DEPDC5: variants seen among roughly 807,000 people sequenced by gnomAD.
DEPDC5 encodes DEP domain containing 5, GATOR1 subcomplex subunit.
DEPDC5 carries 73 observed loss-of-function variants against 217.3 expected under a neutral mutation model. The observed-to-expected ratio is 0.34, with a 90% CI of 0.28 to 0.41. The LOEUF is 0.41. Among genes scored for constraint, DEPDC5 ranks in the 10% least tolerant of loss-of-function variants. DEPDC5 has a pLI of 1.00. For missense variants in DEPDC5, 1,675 were observed against 2,070.1 expected, an observed-to-expected ratio of 0.81 and a Z score of 3.70; for synonymous variants, 733 against 756.7, an observed-to-expected ratio of 0.97 and a Z score of 0.51.
At chr22:31,754,598 G>A (rs765591093) in intron 1 of DEPDC5, among the ~76,000 whole-genome samples, 4 of 152,198 alleles carry the variant, frequency 2.6e-5, no homozygotes, top group Non-Finnish European at 5.9e-5. Flanking sequence ...CCCATTCAGC[G>A]CAATGCTTCC....
chr22:31,802,490 G>C (rs1275601678), intron 14 of DEPDC5, among the ~76,000 whole-genome samples: 2 of 152,020 alleles, frequency 1.3e-5, no homozygotes, highest in Non-Finnish European at 2.9e-5. Context: ...TGTCAATGAG[G>C]GGTATTAACA....
intron 8 of DEPDC5, among the ~76,000 whole-genome samples, chr22:31,782,109 C>T (rs1026684690): frequency 6.6e-6 from 1 of 151,076 alleles, no homozygotes; most frequent in African/African-American, 2.4e-5. Context: ...ACAATATAGC[C>T]TATATTTCTG....
chr22:31,786,468 T>G (rs28868063), intron 10 of DEPDC5, among the ~76,000 whole-genome samples: 2 of 151,124 alleles, frequency 1.3e-5, no homozygotes, highest in Admixed American at 6.6e-5. Flanking sequence ...TCCTTATGTT[T>G]AAAAGTTTTA....
intron 31 of DEPDC5, among the ~76,000 whole-genome samples, chr22:31,849,924 A>G (rs2091939919): frequency 6.6e-6 from 1 of 152,166 alleles, no homozygotes; most frequent in Non-Finnish European, 1.5e-5. Context: ...GGATTACAGG[A>G]ACTACAATTT....
At chr22:31,822,610 C>T in intron 23 of DEPDC5, 83 bp from the exon 24 acceptor site, 2 of 1,359,268 alleles carry the variant, frequency 1.5e-6, no homozygotes, top group South Asian at 2.5e-5. Context: ...ATGAACCTAC[C>T]TCCCACCCCC....
chr22:31,866,933 A>T (rs2149203852), intron 33 of DEPDC5, among the ~76,000 whole-genome samples: 1 of 152,300 alleles, frequency 6.6e-6, no homozygotes, highest in African/African-American at 2.4e-5. Flanking sequence ...GGTTAATGTC[A>T]TATTTGTTAG....
intron 38 of DEPDC5, among the ~76,000 whole-genome samples, chr22:31,883,584 C>T (rs1351070081): frequency 1.3e-5 from 2 of 152,196 alleles, no homozygotes; most frequent in Admixed American, 6.5e-5. Context: ...TTAATCTTTA[C>T]GTCAGTCTCC....
At chr22:31,805,988 A>G in intron 17 of DEPDC5, 134 bp from the exon 18 acceptor site, 1 of 712,484 alleles carries the variant, frequency 1.4e-6, no homozygotes, top group Non-Finnish European at 2.3e-6. Flanking sequence ...AAAGAAGTTA[A>G]AATTGGGAAG....
chr22:31,856,190 CT>C (rs2092292290), intron 31 of DEPDC5, among the ~76,000 whole-genome samples: 1 of 144,716 alleles, frequency 6.9e-6, no homozygotes, highest in African/African-American at 2.7e-5. Flanking sequence ...CACACACACA[CT>C]TCATTGCCTA....
chr22:31,879,766 C>T lies in DEPDC5; in HGVS notation c.4033+14C>T. ...CAGCACTTTTAGGTACATGCTCAAC[C>T]CAGACAAGGTCTGAGGGTGTGCCAG... On this transcript the variant is annotated intron_variant, in intron 38 of 42. Transcript: ENST00000651528. 1 of 1,608,726 alleles carries T rather than the reference C, an allele frequency of 6.2e-7. No individual in the cohort carries two copies. The highest frequency in any genetic ancestry group is 1.1e-5 in the South Asian group (1 of 90,402).
chr22:31,839,048 C>T (rs1001450133), intron 27 of DEPDC5, among the ~76,000 whole-genome samples: 3 of 152,158 alleles, frequency 2.0e-5, no homozygotes, highest in African/African-American at 7.2e-5. Flanking sequence ...TTACAACTCT[C>T]CCTTTAAGGC....
intron 38 of DEPDC5, among the ~76,000 whole-genome samples, chr22:31,886,777 G>A (rs9606880): frequency 2.1e-4 from 22 of 103,652 alleles, no homozygotes; most frequent in African/African-American, 5.0e-4. Flanking sequence ...AAAAAAAAAA[G>A]AGAGAGAGAG....
chr22:31,895,910 A>G (rs993263572), intron 39 of DEPDC5, among the ~76,000 whole-genome samples: 2 of 151,942 alleles, frequency 1.3e-5, no homozygotes, highest in Admixed American at 1.3e-4. Context: ...AGAGGACACC[A>G]GCCCTTCCCC....
At chr22:31,882,779 C>CCTCTT (rs945509321) in intron 38 of DEPDC5, among the ~76,000 whole-genome samples, 1 of 151,336 alleles carries the variant, frequency 6.6e-6, no homozygotes, top group African/African-American at 2.4e-5. Context: ...TCTTCTTTCT[C>CCTCTT]CTCTTCTCTT....
chr22:31,808,491 A>G (rs767855606), intron 18 of DEPDC5, among the ~76,000 whole-genome samples: 16 of 147,272 alleles, frequency 1.1e-4, no homozygotes, highest in Non-Finnish European at 1.5e-4. Flanking sequence ...CTGGAGTGCA[A>G]TGGCACAATC....
intron 4 of DEPDC5, among the ~76,000 whole-genome samples, chr22:31,761,239 C>T (rs189388192): frequency 2.6e-5 from 4 of 152,128 alleles, no homozygotes; most frequent in Non-Finnish European, 4.4e-5. Context: ...CCTTGGCCCC[C>T]CAAAGTGCTG....
At chr22:31,820,837 T>G (rs1453313319) in intron 22 of DEPDC5, among the ~76,000 whole-genome samples, 1 of 152,206 alleles carries the variant, frequency 6.6e-6, no homozygotes, top group African/African-American at 2.4e-5. Flanking sequence ...TTCATCAGGG[T>G]TCCCTGTCTT....
At chr22:31,897,801 C>T (rs934829771) in intron 40 of DEPDC5, 148 bp downstream of exon 40, 70 of 922,934 alleles carry the variant, frequency 7.6e-5, no homozygotes, top group Admixed American at 3.4e-4. Context: ...TCTAAAGGAT[C>T]CTGATTCTTG....
At chr22:31,793,339 G>A (rs1317151213) in intron 12 of DEPDC5, among the ~76,000 whole-genome samples, 2 of 151,952 alleles carry the variant, frequency 1.3e-5, no homozygotes, top group Admixed American at 1.3e-4. Context: ...CCTTCTAAAT[G>A]TTTTATTGTG....
Sources: allele counts gnomAD v4.1 joint callset (sites outside exome capture counted in the v4.1 genomes callset), GRCh38; gene constraint gnomAD v4.1.1; transcripts MANE v1.5; gene names NCBI Gene and HGNC (gene_info 2026-07-23, HGNC 2026-07-21).